Variants in NTRK2 observed in about 807,000 individuals in gnomAD.
The protein encoded by NTRK2 is neurotrophic receptor tyrosine kinase 2, also known as BDNF/NT-3 growth factors receptor.
In NTRK2, 13 loss-of-function variants were observed where a neutral mutation model predicts 94.5. That is an observed-to-expected ratio of 0.14 (90% CI 0.09 to 0.22). The LOEUF is 0.22. Among genes scored for constraint, NTRK2 ranks in the 10% least tolerant of loss-of-function variants. The pLI, the probability that NTRK2 is intolerant of heterozygous loss-of-function variation, is 1.00. For synonymous variants in NTRK2, 372 were observed against 407.4 expected (o/e 0.91, Z 1.05); for missense variants, 639 against 1,071.2 (o/e 0.60, Z 5.63).
rs981883098 is a variant in NTRK2 at position 84,670,761 on chromosome 9, A to G, written c.13A>G (p.Ile5Val). 2 of 1,613,226 alleles carry G rather than the reference A, an allele frequency of 1.2e-6. No homozygotes were observed. Among genetic ancestry groups the G allele is most frequent in the African/African-American group, 1.3e-5 (1 of 75,030 alleles). The change falls in exon 2 of 19, where the codon ATA (isoleucine) becomes GTA (valine). Residue 5 changes from isoleucine to valine, a missense_variant. By Grantham distance (29) the Ile-to-Val change is conservative. Around this residue, in one of 5 missense-constraint regions of NTRK2, gnomAD observed 206 missense variants for 251.5 expected, o/e 0.82. Transcript: ENST00000277120. ...CTGGCTGCTAGGGATGTCGTCCTGG[A>G]TAAGGTGGCATGGACCCGCCATGGC... MSSW[I>V]RWHGPAMARL... is the part of the protein sequence containing the mutation.
intron 12 of NTRK2, among the ~76,000 whole-genome samples, chr9:84,801,338 C>A (rs533493763): frequency 5.3e-5 from 8 of 152,300 alleles, no homozygotes; most frequent in Admixed American, 4.6e-4. Context: ...AGAAATGAAT[C>A]CTTTAGCACG....
At chr9:84,765,620 T>C (rs1340938721) in intron 12 of NTRK2, among the ~76,000 whole-genome samples, 1 of 152,142 alleles carries the variant, frequency 6.6e-6, no homozygotes, top group Non-Finnish European at 1.5e-5. Flanking sequence ...CTAAGACTTG[T>C]AAGAAGACTC....
At chr9:84,703,819 A>G (rs1412903240) in intron 4 of NTRK2, among the ~76,000 whole-genome samples, 1 of 152,226 alleles carries the variant, frequency 6.6e-6, no homozygotes, top group East Asian at 1.9e-4. Context: ...TGCTTTTTGG[A>G]ATCATTTTTG....
chr9:85,008,842 C>T (rs1831258067), intron 17 of NTRK2, among the ~76,000 whole-genome samples: 1 of 152,206 alleles, frequency 6.6e-6, no homozygotes, highest in African/African-American at 2.4e-5. Flanking sequence ...TTCACTGTTA[C>T]TCTAACGCTA....
intron 6 of NTRK2, among the ~76,000 whole-genome samples, chr9:84,712,957 T>C (rs1018330479): frequency 6.6e-6 from 1 of 152,228 alleles, no homozygotes; most frequent in Non-Finnish European, 1.5e-5. Flanking sequence ...TTTTTACACA[T>C]ATGTACAAGT....
intron 12 of NTRK2, among the ~76,000 whole-genome samples, chr9:84,845,215 T>C (rs965696444): frequency 3.3e-5 from 5 of 151,372 alleles, no homozygotes; most frequent in African/African-American, 1.2e-4. Flanking sequence ...TAAGTGCCCA[T>C]TGACCAATGA....
intron 14 of NTRK2, among the ~76,000 whole-genome samples, chr9:84,924,281 AAGAAAGAAAGAAAG>A (rs2077678704): frequency 6.7e-6 from 1 of 148,310 alleles, no homozygotes; most frequent in Admixed American, 6.9e-5. Flanking sequence ...GAAAGAAAGA[AAGAAAGAAAGAAAG>A]AGGAAAAAAA....
At position 85,021,729 on chromosome 9, in the gene NTRK2, C is replaced by T. The variant is rs202045617; in HGVS notation, c.*292C>T. ...TTTTTTTTTCGTCTTCCCTGCTTCACGATTCTTACCCTTTCTTTTGAATCA... is the reference window on the plus strand; with the variant it reads ...TTTTTTTTTCGTCTTCCCTGCTTCATGATTCTTACCCTTTCTTTTGAATCA... On this transcript the variant is annotated 3_prime_UTR_variant, in exon 19 of 19. Transcript: ENST00000277120. The T allele has an allele frequency of 2.6e-5, 12 of 456,036 alleles. No homozygotes were observed. The highest frequency in any genetic ancestry group is 1.8e-4 in the African/African-American group (9 of 51,156). The allele number at this position is 456,036 out of a possible 1,614,324, so 28.2% of individuals were successfully genotyped here.
At chr9:84,823,895 A>G (rs912031598) in intron 12 of NTRK2, among the ~76,000 whole-genome samples, 5 of 152,168 alleles carry the variant, frequency 3.3e-5, no homozygotes, top group Non-Finnish European at 7.3e-5. Context: ...CTGAGTAGAT[A>G]CTTGTCTTAA....
At chr9:84,889,440 T>C (rs2076532680) in intron 14 of NTRK2, among the ~76,000 whole-genome samples, 1 of 152,182 alleles carries the variant, frequency 6.6e-6, no homozygotes, top group Non-Finnish European at 1.5e-5. Context: ...TGATACAGAG[T>C]CTCACTCTGT....
At chr9:84,731,006 A>G (rs1368225073) in intron 9 of NTRK2, among the ~76,000 whole-genome samples, 2 of 150,754 alleles carry the variant, frequency 1.3e-5, no homozygotes, top group Non-Finnish European at 3.0e-5. Context: ...TTTATTTGTT[A>G]TATTGGAAGT....
Position 85,024,068 on chromosome 9 carries a change from A to G in NTRK2, c.*2631A>G. ...CTGACAAGTCCCTAAAGGTCTTGAAATAAAAGGTTCTATGCAAGTGCAAAG... is the reference window on the plus strand; with the variant it reads ...CTGACAAGTCCCTAAAGGTCTTGAAGTAAAAGGTTCTATGCAAGTGCAAAG... On this transcript the variant is annotated 3_prime_UTR_variant, in exon 19 of 19. Coordinates refer to ENST00000277120, the MANE Select transcript of NTRK2 (RefSeq NM_006180.6). The G allele has an allele frequency of 4.4e-6, 1 of 229,082 alleles. No homozygotes were observed. Among genetic ancestry groups the G allele is most frequent in the Non-Finnish European group, 8.7e-6 (1 of 115,422 alleles). 14.2% of individuals were successfully genotyped at this position (229,082 alleles called of 1,614,324 possible). A position where few individuals can be genotyped will look rare whatever the true frequency, so the allele number is the denominator to read the frequency against.
At chr9:84,742,831 C>G (rs973001607) in intron 10 of NTRK2, among the ~76,000 whole-genome samples, 4 of 113,122 alleles carry the variant, frequency 3.5e-5, no homozygotes, top group African/African-American at 1.4e-4. Flanking sequence ...GACGGAGTCT[C>G]ACTTTGTTGC....
At chr9:84,961,468 T>TTA (rs1824920249) in intron 17 of NTRK2, among the ~76,000 whole-genome samples, 1 of 152,228 alleles carries the variant, frequency 6.6e-6, no homozygotes, top group Non-Finnish European at 1.5e-5. Context: ...AGAAGTCTAT[T>TTA]AAGTTCAGAC....
chr9:84,766,975 T>TGGGTC (rs1226940332), intron 12 of NTRK2, among the ~76,000 whole-genome samples: 1 of 152,184 alleles, frequency 6.6e-6, no homozygotes, highest in Non-Finnish European at 1.5e-5. Context: ...GCGGTTCCCC[T>TGGGTC]GGGTCATAGT....
intron 5 of NTRK2, 119 bp downstream of exon 5, chr9:84,708,031 G>A (rs1301457458): frequency 7.5e-6 from 6 of 797,830 alleles, no homozygotes; most frequent in Non-Finnish European, 1.3e-5. Context: ...CTCAAAAAAT[G>A]ATTTCTCAAG....
intron 2 of NTRK2, among the ~76,000 whole-genome samples, chr9:84,676,234 C>G (rs928232967): frequency 6.6e-6 from 1 of 152,124 alleles, no homozygotes; most frequent in Non-Finnish European, 1.5e-5. Context: ...TCTCAAGGCT[C>G]TGAAGTTCCC....
At chr9:84,700,004 T>G (rs2060627124) in intron 2 of NTRK2, among the ~76,000 whole-genome samples, 1 of 152,220 alleles carries the variant, frequency 6.6e-6, no homozygotes, top group Non-Finnish European at 1.5e-5. Context: ...AGGCCCTTGT[T>G]GTGAGCATGG....
chr9:84,835,083 C>T (rs2131715194), intron 12 of NTRK2, among the ~76,000 whole-genome samples: 1 of 152,284 alleles, frequency 6.6e-6, no homozygotes, highest in South Asian at 2.1e-4. Context: ...CCCATGCCTT[C>T]TAGCTATTTC....
Sources: gnomAD v4.1 joint callset for allele counts (sites outside exome capture counted in the v4.1 genomes callset) on GRCh38, gnomAD v4.1.1 for gene constraint, gnomAD v4.1.1 regional missense constraint, MANE v1.5 for transcripts, NCBI Gene and HGNC (gene_info 2026-07-23, HGNC 2026-07-21) for gene names.